Variants in ARHGEF37 observed in about 807,000 individuals in gnomAD.
ARHGEF37 encodes the protein Rho guanine nucleotide exchange factor 37, also known as Rho guanine nucleotide exchange factor (GEF) 37.
ARHGEF37 carries 55 observed loss-of-function variants against 71.1 expected under a neutral mutation model. The observed-to-expected ratio is 0.77, with a 90% CI of 0.62 to 0.97. The LOEUF (loss-of-function observed/expected upper bound fraction) is 0.97, where lower values mean the gene tolerates loss of function less well. Among genes scored for constraint, ARHGEF37 ranks in the 50% least tolerant of loss-of-function variants. The pLI is 0.00. For synonymous variants in ARHGEF37, 327 were observed against 350.6 expected (o/e 0.93, Z 0.75); for missense variants, 765 against 836.8 (o/e 0.91, Z 1.06).
At chr5:149,566,869 TTATATA>T (rs1367957584) in intron 1 of ARHGEF37, among the ~76,000 whole-genome samples, 4 of 152,172 alleles carry the variant, frequency 2.6e-5, no homozygotes, top group Admixed American at 2.0e-4. Flanking sequence ...TCTCTTCTAA[TTATATA>T]TATAATCATG....
chr5:149,565,829 A>ATTTTTTTTTTTTTTTTTTTTT lies in ARHGEF37; in HGVS notation c.-12+13721_-12+13741dup, dbSNP rs201683478. On this transcript the variant is annotated intron_variant, in intron 1 of 2. Coordinates refer to the ARHGEF37 transcript ENST00000505810. ...TAGCTTTGTAATGTCAGAAACTCTAATTTTTTTTTTTTTTTTTTTTTTTTT... is the reference window on the plus strand; with the variant it reads ...TAGCTTTGTAATGTCAGAAACTCTAATTTTTTTTTTTTTTTTTTTTTTTTTTTTTTTTTTTTTTTTTTTTTT... 3.4e-4 allele frequency among the ~76,000 whole-genome samples: 29 copies of ATTTTTTTTTTTTTTTTTTTTT among 84,576 alleles called. 4 individuals are homozygous for ATTTTTTTTTTTTTTTTTTTTT. The highest frequency in any genetic ancestry group is 5.9e-4 in the Non-Finnish European group (22 of 37,434). 55.5% of individuals were successfully genotyped at this position (84,576 alleles called of 152,430 possible). A position where few individuals can be genotyped will look rare whatever the true frequency, so the allele number is the denominator to read the frequency against.
intron 3 of ARHGEF37, among the ~76,000 whole-genome samples, chr5:149,603,105 G>GT (rs1419442860): frequency 6.6e-6 from 1 of 151,866 alleles, no homozygotes; most frequent in African/African-American, 2.4e-5. Context: ...GTTAATTTTT[G>GT]TATTTTTAGT....
intron 1 of ARHGEF37, among the ~76,000 whole-genome samples, chr5:149,573,182 G>T (rs1762988784): frequency 6.6e-6 from 1 of 152,114 alleles, no homozygotes; most frequent in Admixed American, 6.5e-5. Flanking sequence ...CTTGAGGATG[G>T]TACCAAGACA....
chr5:149,578,990 A>G (rs1763057461), upstream of ARHGEF37, among the ~76,000 whole-genome samples: 2 of 152,226 alleles, frequency 1.3e-5, no homozygotes, highest in Non-Finnish European at 2.9e-5. Context: ...TCAGTTTCAA[A>G]TGAAAAATAT....
chr5:149,565,614 T>C (rs1762887963), intron 1 of ARHGEF37, among the ~76,000 whole-genome samples: 1 of 152,202 alleles, frequency 6.6e-6, no homozygotes, highest in African/African-American at 2.4e-5. Context: ...CTGTAAGCAC[T>C]GGGCTTATTT....
intron 1 of ARHGEF37, among the ~76,000 whole-genome samples, chr5:149,575,886 C>CG (rs1561785372): frequency 6.6e-6 from 1 of 151,418 alleles, no homozygotes; most frequent in Admixed American, 6.6e-5. Flanking sequence ...CCGTCCCCCC[C>CG]CTCAAAAAAT....
At chr5:149,571,183 C>T (rs1762958549) in intron 1 of ARHGEF37, among the ~76,000 whole-genome samples, 1 of 152,086 alleles carries the variant, frequency 6.6e-6, no homozygotes, top group African/African-American at 2.4e-5. Context: ...CTCAGGTGAT[C>T]CACCCACCTC....
intron 3 of ARHGEF37, among the ~76,000 whole-genome samples, chr5:149,608,942 T>C (rs1357995146): frequency 6.6e-6 from 1 of 152,078 alleles, no homozygotes; most frequent in African/African-American, 2.4e-5. Context: ...CCCAGCACTT[T>C]GGGAGGCCGA....
At chr5:149,591,598 G>A (rs1384489725) in intron 1 of ARHGEF37, among the ~76,000 whole-genome samples, 2 of 152,202 alleles carry the variant, frequency 1.3e-5, no homozygotes, top group Non-Finnish European at 2.9e-5. Context: ...CAAAGATAGT[G>A]AATAACTTAA....
At chr5:149,597,448 G>A (rs537093594) in intron 1 of ARHGEF37, among the ~76,000 whole-genome samples, 3 of 152,068 alleles carry the variant, frequency 2.0e-5, no homozygotes, top group South Asian at 2.1e-4. Flanking sequence ...TAGTAGAGAC[G>A]GGGTTTCATC....
At chr5:149,607,830 G>A (rs1185340618) in intron 3 of ARHGEF37, among the ~76,000 whole-genome samples, 5 of 139,642 alleles carry the variant, frequency 3.6e-5, no homozygotes, top group South Asian at 4.5e-4. Context: ...GCAGTGGCAC[G>A]ATCTCAGCTT....
Position 149,627,063 on chromosome 5 carries a change from C to T in ARHGEF37, c.1465-13C>T, listed in dbSNP as rs768326174. 3.1e-6 allele frequency: 5 copies of T among 1,604,308 alleles called. No homozygotes were observed. Among genetic ancestry groups the T allele is most frequent in the Middle Eastern group, 1.7e-4 (1 of 6,012 alleles). On this transcript the variant is annotated splice_polypyrimidine_tract_variant and intron_variant, in intron 10 of 12. Transcript: ENST00000333677. ...TCAAGCACTTGTGTCTGTCTGTGCT[C>T]CTCCTCTCCCAGCCGCTCCTTCCAG...
chr5:149,594,428 A>C (rs1348632790), intron 1 of ARHGEF37, among the ~76,000 whole-genome samples: 1 of 152,246 alleles, frequency 6.6e-6, no homozygotes, highest in Non-Finnish European at 1.5e-5. Flanking sequence ...ACAGCTATGC[A>C]TCAGACAGAT....
upstream of ARHGEF37, chr5:149,581,363 ACTCCGGG>A (rs1398044019): frequency 2.0e-5 from 3 of 152,162 alleles, no homozygotes; most frequent in African/African-American, 7.2e-5. Context: ...GCCGGGGCTG[ACTCCGGG>A]AGCAGCGAAC....
chr5:149,592,920 C>A (rs1194674854), intron 1 of ARHGEF37, among the ~76,000 whole-genome samples: 1 of 152,156 alleles, frequency 6.6e-6, no homozygotes, highest in African/African-American at 2.4e-5. Context: ...CAGGTGCCCA[C>A]CACCACACCC....
At chr5:149,617,964 C>T (rs555730457) in intron 5 of ARHGEF37, among the ~76,000 whole-genome samples, 25 of 152,228 alleles carry the variant, frequency 1.6e-4, no homozygotes, top group African/African-American at 6.0e-4. Context: ...GGAGTGGTGA[C>T]TTCCCAAAGT....
At chr5:149,561,958 AT>A (rs1762838038) in intron 1 of ARHGEF37, among the ~76,000 whole-genome samples, 1 of 152,192 alleles carries the variant, frequency 6.6e-6, no homozygotes, top group South Asian at 2.1e-4. Flanking sequence ...CTCGTGACTC[AT>A]TATTACTCAC....
intron 12 of ARHGEF37, among the ~76,000 whole-genome samples, chr5:149,630,752 C>T (rs1580943221): frequency 6.6e-6 from 1 of 152,194 alleles, no homozygotes; most frequent in Non-Finnish European, 1.5e-5. Context: ...TTTGGGTGAG[C>T]TCAGCTGTCT....
chr5:149,556,118 T>C (rs1339997715), intron 1 of ARHGEF37, among the ~76,000 whole-genome samples: 1 of 152,130 alleles, frequency 6.6e-6, no homozygotes, highest in Non-Finnish European at 1.5e-5. Flanking sequence ...CCTGCCAATC[T>C]CTAGAATTGT....
Sources: allele counts gnomAD v4.1 joint callset (sites outside exome capture counted in the v4.1 genomes callset), GRCh38; gene constraint gnomAD v4.1.1; transcripts MANE v1.5; gene names NCBI Gene and HGNC (gene_info 2026-07-23, HGNC 2026-07-21).